The following CCDC187 variants were observed in gnomAD, a reference collection of about 807,000 sequenced individuals.
CCDC187 encodes coiled-coil domain containing 187.
Under a neutral mutation model 38.0 loss-of-function variants are expected in CCDC187, and 32 were observed. The ratio of observed to expected loss-of-function variants is 0.84; its 90% CI spans 0.64 to 1.13. The LOEUF (loss-of-function observed/expected upper bound fraction) is 1.13. CCDC187 is among the 50% of genes most tolerant of loss of function. The pLI is 0.00. For synonymous variants in CCDC187, 333 were observed against 347.9 expected (o/e 0.96, Z 0.48); for missense variants, 707 against 786.8 (o/e 0.90, Z 1.21).
At chr9:136,300,881 G>A (rs956674951) in intron 2 of CCDC187, among the ~76,000 whole-genome samples, 6 of 152,220 alleles carry the variant, frequency 3.9e-5, no homozygotes, top group Admixed American at 1.3e-4. Flanking sequence ...GATTACAGGC[G>A]TGAGCCACCG....
chr9:136,292,837 G>A (rs903993920), intron 4 of CCDC187, among the ~76,000 whole-genome samples: 5 of 152,234 alleles, frequency 3.3e-5, no homozygotes, highest in African/African-American at 4.8e-5. Context: ...GGTGGGCAGC[G>A]GTGAAGGCTC....
In CCDC187 at chr9:136,300,308, G is replaced by C; in HGVS notation, c.636C>G (p.Ile212Met). The change falls in exon 3 of 26, where the codon ATC becomes ATG. Residue 212 changes from isoleucine to methionine, a missense_variant. Physicochemically the swap from Ile to Met is conservative, Grantham distance 10 (BLOSUM62 1). Coordinates refer to ENST00000638797, the MANE Select transcript of CCDC187 (RefSeq NM_001378188.1). ...PPAPECSGFS[I>M]LSAAERRVEA... ...CAACTCTGCGCTCAGCTGCACTCAA[G>C]ATGCTGAAACCTGGAACAGGGTGAA... is the stretch of plus-strand genomic sequence containing the variant. 5.0e-6 allele frequency: 2 copies of C among 398,662 alleles called. No homozygotes were observed. Among genetic ancestry groups the C allele is most frequent in the Non-Finnish European group, 8.8e-6 (2 of 226,080 alleles). The allele number at this position is 398,662 out of a possible 1,614,324, so 24.7% of individuals were successfully genotyped here. A position where few individuals can be genotyped will look rare whatever the true frequency, so the allele number is the denominator to read the frequency against.
rs1379099619 is a variant in CCDC187 at position 136,300,347 on chromosome 9, C to T, written c.626-29G>A. On this transcript the variant is annotated intron_variant, in intron 2 of 25. Transcript: ENST00000638797. The stretch of plus-strand genomic sequence containing the variant: ...GAACAGGGTGAAAAGAAGAAGGCAG[C>T]GTGAGAAGAGAGATCCGCAAAGAAC... 9 of 398,444 alleles carry T rather than the reference C, an allele frequency of 2.3e-5. No individual in the cohort carries two copies. The South Asian group carries it at 5.1e-4, about 23-fold the overall frequency. 24.7% of individuals were successfully genotyped at this position (398,444 alleles called of 1,614,324 possible). A position where few individuals can be genotyped will look rare whatever the true frequency, so the allele number is the denominator to read the frequency against.
intron 19 of CCDC187, among the ~76,000 whole-genome samples, chr9:136,261,402 G>A (rs565156816): frequency 2.0e-5 from 3 of 152,276 alleles, no homozygotes; most frequent in Admixed American, 6.5e-5. Flanking sequence ...GTGACAAGCC[G>A]AGCATAGGGT....
At chr9:136,299,330 C>A (rs930160487) in intron 3 of CCDC187, among the ~76,000 whole-genome samples, 85,731 of 151,920 alleles carry the variant, frequency 0.56, 24,764 homozygotes, top group East Asian at 0.87. Flanking sequence ...TGCTGCCCAA[C>A]CAGACCTCAC....
chr9:136,267,425 C>T lies in CCDC187; in HGVS notation c.3606G>A (p.Glu1202=), dbSNP rs908240878. 1.4e-5 allele frequency: 14 copies of T among 985,566 alleles called. No homozygotes were observed. Among genetic ancestry groups the T allele is most frequent in the African/African-American group, 1.7e-5 (1 of 57,374 alleles). 61.1% of individuals were successfully genotyped at this position (985,566 alleles called of 1,614,324 possible). ...LLRLREMALQ[E]KTLAELAWLE... ...GCCAGGCCAGCTCCGCGAGCGTTTT[C>T]TCCTGGAGCGCCATCTCTCGCAGGC... Residue 1202 remains glutamate (E), a synonymous_variant, in exon 16 of 26, where the codon GAG becomes GAA. Coordinates refer to ENST00000638797, the MANE Select transcript of CCDC187 (RefSeq NM_001378188.1).
rs1448063338 is a variant in CCDC187, at chr9:136,250,699, G to A, written c.*2895C>T. On this transcript the variant is annotated 3_prime_UTR_variant, in exon 26 of 26. Transcript: ENST00000638797. ...TCCAAACATCTGCATTCTCAGGTGGGCTGGGCAGGAGCTGGTGCAAAATCA... is the reference window on the plus strand; with the variant it reads ...TCCAAACATCTGCATTCTCAGGTGGACTGGGCAGGAGCTGGTGCAAAATCA... 2.0e-5 allele frequency: 9 copies of A among 455,530 alleles called. No individual in the cohort carries two copies. Among genetic ancestry groups the A allele is most frequent in the Non-Finnish European group, 4.0e-5 (9 of 226,494 alleles). The allele number at this position is 455,530 out of a possible 1,614,324, so 28.2% of individuals were successfully genotyped here.
In CCDC187 at chr9:136,251,377, C is replaced by T; in HGVS notation, c.*2217G>A. 1 of 267,704 alleles carries T rather than the reference C, an allele frequency of 3.7e-6. No individual in the cohort carries two copies. The highest frequency in any genetic ancestry group is 7.5e-6 in the Non-Finnish European group (1 of 134,226). The allele number at this position is 267,704 out of a possible 1,614,324, so 16.6% of individuals were successfully genotyped here. On this transcript the variant is annotated 3_prime_UTR_variant, in exon 26 of 26. Transcript: ENST00000638797. ...GAGGAAAAGCCCCCGGCCGTGCGGGCTGCGCAGAAATGACCTTGGGCCCTT... is the reference window on the plus strand; with the variant it reads ...GAGGAAAAGCCCCCGGCCGTGCGGGTTGCGCAGAAATGACCTTGGGCCCTT...
rs1830589279 is a variant in CCDC187, at chr9:136,254,533, GTCC to G, written c.5292_5294del (p.Glu1764del). 4.1e-6 allele frequency: 4 copies of G among 985,404 alleles called. No homozygotes were observed. The South Asian group carries it at 1.4e-4, about 35-fold the overall frequency. The allele number at this position is 985,404 out of a possible 1,614,324, so 61.0% of individuals were successfully genotyped here. A position where few individuals can be genotyped will look rare whatever the true frequency, so the allele number is the denominator to read the frequency against. On this transcript the variant is annotated inframe_deletion, in exon 26 of 26. Transcript: ENST00000638797. The stretch of plus-strand genomic sequence containing the variant: ...AGGGTTCTGGCAGGTCCTCCTCGCA[GTCC>G]TCCTCCCAAACTTTGCTGGAGGCCT...
rs868942121 is a variant in CCDC187, at chr9:136,252,605, G to T, written c.*989C>A. 1.2e-5 allele frequency: 2 copies of T among 167,894 alleles called. No homozygotes were observed. Among genetic ancestry groups the T allele is most frequent in the African/African-American group, 4.8e-5 (2 of 41,516 alleles). The allele number at this position is 167,894 out of a possible 1,614,324, so 10.4% of individuals were successfully genotyped here. On this transcript the variant is annotated 3_prime_UTR_variant, in exon 26 of 26. Transcript: ENST00000638797. ...GCCGGTCCACCCTGGGAAAGTCCAG[G>T]CCTCTAGGTTCTTACTCCCACGTGT...
At position 136,259,446 on chromosome 9, in the gene CCDC187, G is replaced by T. The variant is rs1554760743; in HGVS notation, c.4213C>A (p.Pro1405Thr). ...AGAGGGGCCCGAGGCTGCTCCCCAG[G>T]CTCTGAAAGACACAATCCCAGGAGT... ...VESGSHVSQE[P>T]GEQPRAPLLG... The change falls in exon 21 of 26, where the codon CCT becomes ACT. Residue 1405 changes from proline (P) to threonine (T), a missense_variant and splice_region_variant. Coordinates refer to ENST00000638797, the MANE Select transcript of CCDC187 (RefSeq NM_001378188.1). The T allele has an allele frequency of 1.0e-6, 1 of 985,448 alleles. No individual in the cohort carries two copies. The highest frequency in any genetic ancestry group is 1.2e-6 in the Non-Finnish European group (1 of 830,130). 61.0% of individuals were successfully genotyped at this position (985,448 alleles called of 1,614,324 possible). A position where few individuals can be genotyped will look rare whatever the true frequency, so the allele number is the denominator to read the frequency against.
At chr9:136,305,048 C>T (rs1204204408), upstream of CCDC187, among the ~76,000 whole-genome samples, 12 of 152,352 alleles carry the variant, frequency 7.9e-5, no homozygotes, top group Admixed American at 7.8e-4. Flanking sequence ...CCAAACGGGG[C>T]CCTGGCTGCC....
In CCDC187 at chr9:136,251,142, G is replaced by A. The variant is rs942254729; in HGVS notation, c.*2452C>T. On this transcript the variant is annotated 3_prime_UTR_variant, in exon 26 of 26. Coordinates refer to ENST00000638797, the MANE Select transcript of CCDC187 (RefSeq NM_001378188.1). The stretch of plus-strand genomic sequence containing the variant: ...GAAGGATCAGTGCTGGGACACAGAT[G>A]TCCCTAAGGCCAACACGCTGCTCAT... 1.2e-5 allele frequency: 5 copies of A among 425,962 alleles called. No individual in the cohort carries two copies. The highest frequency in any genetic ancestry group is 4.9e-5 in the Admixed American group (2 of 40,914). The allele number at this position is 425,962 out of a possible 1,614,324, so 26.4% of individuals were successfully genotyped here.
At chr9:136,262,495 G>A (rs969886404) in intron 18 of CCDC187, 33 bp from the exon 19 acceptor site, 2 of 986,036 alleles carry the variant, frequency 2.0e-6, no homozygotes, top group Admixed American at 6.1e-5. Flanking sequence ...GCCTGGCAAG[G>A]CCACCTCTGC....
chr9:136,285,160 C>T (rs999118024), intron 9 of CCDC187, among the ~76,000 whole-genome samples: 1 of 151,988 alleles, frequency 6.6e-6, no homozygotes, highest in African/African-American at 2.4e-5. Context: ...GTGGGGTCGC[C>T]GGGCCCGGAT....
intron 2 of CCDC187, among the ~76,000 whole-genome samples, chr9:136,302,530 C>T (rs1195250358): frequency 6.6e-6 from 1 of 152,220 alleles, no homozygotes; most frequent in Admixed American, 6.5e-5. Flanking sequence ...GACTCTAGGT[C>T]CAGGGACCAG....
At chr9:136,291,983 A>G (rs2131311150) in intron 5 of CCDC187, among the ~76,000 whole-genome samples, 178 bp downstream of exon 5, 2 of 152,234 alleles carry the variant, frequency 1.3e-5, no homozygotes, top group South Asian at 4.1e-4. Context: ...GAAAACACTT[A>G]TTGCCCAAAG....
intron 9 of CCDC187, among the ~76,000 whole-genome samples, chr9:136,283,449 G>A (rs1232277368): frequency 5.9e-5 from 9 of 152,356 alleles, no homozygotes; most frequent in East Asian, 1.9e-4. Flanking sequence ...CTGGCTGCCC[G>A]AGCAGCGGCG....
chr9:136,287,552 T>G (rs1831210781), intron 7 of CCDC187, among the ~76,000 whole-genome samples: 3 of 152,150 alleles, frequency 2.0e-5, no homozygotes, highest in South Asian at 4.1e-4. Context: ...ACCCCAACTT[T>G]AGTCAGTCAG....
Sources: allele counts gnomAD v4.1 joint callset (sites outside exome capture counted in the v4.1 genomes callset), GRCh38; gene constraint gnomAD v4.1.1; transcripts MANE v1.5; gene names NCBI Gene and HGNC (gene_info 2026-07-23, HGNC 2026-07-21).